Variants in KLHDC10 observed in about 807,000 individuals in gnomAD.
KLHDC10 encodes the protein kelch domain containing 10.
A neutral mutation model predicts 56.1 loss-of-function variants in KLHDC10; 24 were observed. The ratio of observed to expected loss-of-function variants is 0.43; its 90% CI spans 0.31 to 0.60. The LOEUF (loss-of-function observed/expected upper bound fraction) is 0.60, where lower values mean the gene tolerates loss of function less well. KLHDC10 is among the 20% of genes least tolerant of loss of function. The probability of loss-of-function intolerance (pLI) is 0.11; values close to 1 mark genes in which losing one functional copy is unlikely to be tolerated. For missense variants in KLHDC10, 349 were observed against 567.0 expected (o/e 0.62, Z 3.91); for synonymous variants, 188 against 207.1 (o/e 0.91, Z 0.79).
At chr7:130,095,689 A>G (rs1378062284) in intron 1 of KLHDC10, among the ~76,000 whole-genome samples, 3 of 152,166 alleles carry the variant, frequency 2.0e-5, no homozygotes, top group Non-Finnish European at 4.4e-5. Flanking sequence ...GTAGTAAGCA[A>G]ACTAGACCCT....
intron 1 of KLHDC10, among the ~76,000 whole-genome samples, chr7:130,072,878 C>G (rs1410003733): frequency 3.9e-5 from 6 of 151,970 alleles, no homozygotes. Flanking sequence ...GCCTCAGCCT[C>G]CTGAGTAGCT....
Position 130,130,468 on chromosome 7 carries a change from T to C in KLHDC10, c.1120-69T>C. The C allele has an allele frequency of 8.1e-7, 1 of 1,239,598 alleles. No homozygotes were observed. The highest frequency in any genetic ancestry group is 1.2e-6 in the Non-Finnish European group (1 of 842,992). 76.8% of individuals were successfully genotyped at this position (1,239,598 alleles called of 1,614,324 possible). A position where few individuals can be genotyped will look rare whatever the true frequency, so the allele number is the denominator to read the frequency against. ...TTTTGATTCCATCTACTATGCTTTT[T>C]CCCCACTGAGTCTTCAGCCTTGTAT... On this transcript the variant is annotated intron_variant, in intron 9 of 9. Transcript: ENST00000335420. The surrounding 1 kb of genome is among the most constrained non-coding windows in gnomAD (Gnocchi z 4.2).
chr7:130,071,125 G>A (rs756050239), intron 1 of KLHDC10, among the ~76,000 whole-genome samples: 1 of 152,192 alleles, frequency 6.6e-6, no homozygotes, highest in Non-Finnish European at 1.5e-5. Context: ...CCCTTCCGCA[G>A]TTTGATCTTG....
chr7:130,134,670 C>T lies in KLHDC10; in HGVS notation c.*3924C>T, dbSNP rs1443217023. The T allele has an allele frequency of 6.6e-6, 1 of 152,012 alleles. No homozygotes were observed. Among genetic ancestry groups the T allele is most frequent in the Non-Finnish European group, 1.5e-5 (1 of 68,016 alleles). The allele number at this position is 152,012 out of a possible 1,614,324, so 9.4% of individuals were successfully genotyped here. ...GGTCTTACAGATGTTTAGAAAGTGG[C>T]ACAGGTTACTGAATTGTCTACCTGC... On this transcript the variant is annotated 3_prime_UTR_variant, in exon 10 of 10. Coordinates refer to ENST00000335420, the MANE Select transcript of KLHDC10 (RefSeq NM_014997.4).
Position 130,133,687 on chromosome 7 carries a change from C to T in KLHDC10, c.*2941C>T, listed in dbSNP as rs1013822849. 1.3e-5 allele frequency: 2 copies of T among 151,952 alleles called. No individual in the cohort carries two copies. The highest frequency in any genetic ancestry group is 2.9e-5 in the Non-Finnish European group (2 of 67,998). The allele number at this position is 151,952 out of a possible 1,614,324, so 9.4% of individuals were successfully genotyped here. The stretch of plus-strand genomic sequence containing the variant: ...GTTTGCATGTCTTACATTTTGTTGC[C>T]GGAGAACAAGGAAGTCCATCTGTAA... On this transcript the variant is annotated 3_prime_UTR_variant, in exon 10 of 10. Coordinates refer to ENST00000335420, the MANE Select transcript of KLHDC10 (RefSeq NM_014997.4).
intron 1 of KLHDC10, among the ~76,000 whole-genome samples, chr7:130,073,967 C>T (rs1795460690): frequency 6.6e-6 from 1 of 152,172 alleles, no homozygotes; most frequent in African/African-American, 2.4e-5. Flanking sequence ...CCCTTCAATT[C>T]ATATAGCACA....
chr7:130,101,038 AAACT>A (rs1795922860), intron 2 of KLHDC10, among the ~76,000 whole-genome samples: 1 of 151,742 alleles, frequency 6.6e-6, no homozygotes, highest in Non-Finnish European at 1.5e-5. Flanking sequence ...GGAGACTTTG[AAACT>A]AGATTACTTG....
chr7:130,119,503 C>T (rs1444795745), intron 3 of KLHDC10, among the ~76,000 whole-genome samples: 1 of 143,916 alleles, frequency 6.9e-6, no homozygotes, highest in Admixed American at 7.2e-5. Context: ...CAGAGCGAGA[C>T]CCTGCCTTTC....
chr7:130,110,383 A>G (rs1796084674), intron 2 of KLHDC10, among the ~76,000 whole-genome samples: 1 of 152,260 alleles, frequency 6.6e-6, no homozygotes, highest in African/African-American at 2.4e-5. Flanking sequence ...TTTGTTCTAA[A>G]TATTGAAAGA....
chr7:130,108,897 T>C (rs532207601), intron 2 of KLHDC10, among the ~76,000 whole-genome samples: 1 of 152,250 alleles, frequency 6.6e-6, no homozygotes, highest in African/African-American at 2.4e-5. Context: ...ATTTGAAAAT[T>C]GCAGACATGA....
intron 2 of KLHDC10, among the ~76,000 whole-genome samples, chr7:130,108,550 A>G (rs1165938134): frequency 4.8e-5 from 6 of 124,222 alleles, no homozygotes; most frequent in Non-Finnish European, 8.5e-5. Flanking sequence ...GTCTCTACCA[A>G]ATATCCAAAA....
intron 4 of KLHDC10, 71 bp from the exon 5 acceptor site, chr7:130,121,983 T>C (rs1222470331): frequency 7.6e-7 from 1 of 1,319,568 alleles, no homozygotes; most frequent in Admixed American, 2.3e-5. Context: ...GATTTGGAGG[T>C]ATCTGGTAAG....
intron 7 of KLHDC10, 37 bp from the exon 8 acceptor site, chr7:130,127,367 G>A (rs1248105251): frequency 6.3e-7 from 1 of 1,584,326 alleles, no homozygotes; most frequent in South Asian, 1.1e-5. Flanking sequence ...CAGTCTTTCT[G>A]TAAGTAATGG....
At chr7:130,128,483 A>G (rs1475155139) in intron 8 of KLHDC10, among the ~76,000 whole-genome samples, 2 of 152,164 alleles carry the variant, frequency 1.3e-5, no homozygotes, top group Non-Finnish European at 2.9e-5. Flanking sequence ...TCATTTTGGG[A>G]AAATTATTCC....
At chr7:130,119,087 T>C (rs1209849692) in intron 3 of KLHDC10, among the ~76,000 whole-genome samples, 1 of 151,244 alleles carries the variant, frequency 6.6e-6, no homozygotes, top group African/African-American at 2.4e-5. Flanking sequence ...CCTGTACATA[T>C]AGTCCCAGCT....
intron 1 of KLHDC10, among the ~76,000 whole-genome samples, chr7:130,072,550 T>C (rs2116826398): frequency 6.6e-6 from 1 of 152,280 alleles, no homozygotes; most frequent in East Asian, 1.9e-4. Flanking sequence ...ATTCTCAAAA[T>C]TGGGACACAT....
rs748003187 is a variant in KLHDC10, at chr7:130,125,904, A to G, written c.904A>G (p.Ile302Val). The G allele has an allele frequency of 6.2e-7, 1 of 1,602,414 alleles. No individual in the cohort carries two copies. The change falls in exon 7 of 10, where the codon ATT becomes GTT. Residue 302 changes from isoleucine (I) to valine (V), a missense_variant. Around this residue, in one of 2 missense-constraint regions of KLHDC10, gnomAD observed 245 missense variants for 470.1 expected, o/e 0.52. Transcript: ENST00000335420. ...CCTTGAAACGAATGCCTGGGAGGAA[A>G]TTGCAACAAAACCCCATGAAAAAAT... ...YNLETNAWEEIATKPHEKIGF... is the reference protein window; with the variant it reads ...YNLETNAWEEVATKPHEKIGF...
chr7:130,134,299 A>T lies in KLHDC10; in HGVS notation c.*3553A>T, dbSNP rs559605609. 6.6e-6 allele frequency: 1 copy of T among 152,338 alleles called. No homozygotes were observed. Among genetic ancestry groups the T allele is most frequent in the East Asian group, 1.9e-4 (1 of 5,184 alleles). 9.4% of individuals were successfully genotyped at this position (152,338 alleles called of 1,614,324 possible). On this transcript the variant is annotated 3_prime_UTR_variant, in exon 10 of 10. Coordinates refer to ENST00000335420, the MANE Select transcript of KLHDC10 (RefSeq NM_014997.4). ...AGCAGCTGATTGCCTGTAATTAGTCAGGCTGAACAATTAGAGTTGAATGCT... is the reference window on the plus strand; with the variant it reads ...AGCAGCTGATTGCCTGTAATTAGTCTGGCTGAACAATTAGAGTTGAATGCT...
chr7:130,115,333 A>G (rs577813057), intron 2 of KLHDC10, among the ~76,000 whole-genome samples: 30 of 152,318 alleles, frequency 2.0e-4, no homozygotes, highest in Non-Finnish European at 3.5e-4. Context: ...ATAGATTGGT[A>G]TAAACATTTT....
Sources: gnomAD v4.1 joint callset for allele counts (sites outside exome capture counted in the v4.1 genomes callset) on GRCh38, gnomAD v4.1.1 for gene constraint, gnomAD v4.1.1 regional missense constraint, Gnocchi (gnomAD v3.1) non-coding constraint, MANE v1.5 for transcripts, NCBI Gene and HGNC (gene_info 2026-07-23, HGNC 2026-07-21) for gene names.